Variants in KCNIP4 observed in about 807,000 individuals in gnomAD.
The protein encoded by KCNIP4 is Kv channel-interacting protein 4.
A neutral mutation model predicts 34.0 loss-of-function variants in KCNIP4; 12 were observed. The observed-to-expected ratio is 0.35, with a 90% CI of 0.23 to 0.57. KCNIP4 has a LOEUF of 0.57. Ranked by LOEUF, KCNIP4 falls within the 20% of genes least tolerant of loss-of-function variation. The pLI is 0.83. For missense variants in KCNIP4, 238 were observed against 311.7 expected (o/e 0.76, Z 1.78); for synonymous variants, 124 against 102.2 (o/e 1.21, Z -1.29).
intron 1 of KCNIP4, among the ~76,000 whole-genome samples, chr4:21,840,568 G>A (rs1723615970): frequency 6.6e-6 from 1 of 152,060 alleles, no homozygotes. Context: ...TTCCAATAAT[G>A]GCACCCCAAT....
At chr4:20,909,307 T>G (rs1416773477) in intron 1 of KCNIP4, among the ~76,000 whole-genome samples, 1 of 152,182 alleles carries the variant, frequency 6.6e-6, no homozygotes, top group Non-Finnish European at 1.5e-5. Flanking sequence ...CATATTAGAG[T>G]GGGTGATGTT....
At chr4:20,916,321 A>G (rs533239063) in intron 1 of KCNIP4, 1 of 981,616 alleles carries the variant, frequency 1.0e-6, no homozygotes, top group South Asian at 4.7e-5. Flanking sequence ...AGAAGTGTTT[A>G]CCTCTTTGCA....
chr4:21,081,465 A>G (rs1745995764), intron 1 of KCNIP4, among the ~76,000 whole-genome samples: 1 of 151,696 alleles, frequency 6.6e-6, no homozygotes, highest in Non-Finnish European at 1.5e-5. Flanking sequence ...TTAAGGTCAA[A>G]TGTCATTAAC....
intron 1 of KCNIP4, among the ~76,000 whole-genome samples, chr4:21,446,454 A>C (rs1310357846): frequency 6.6e-6 from 1 of 151,942 alleles, no homozygotes; most frequent in African/African-American, 2.4e-5. Flanking sequence ...ATAAAAAAGG[A>C]ATGAGTTCAT....
At chr4:20,890,118 A>G (rs1477426158) in intron 1 of KCNIP4, among the ~76,000 whole-genome samples, 1 of 152,144 alleles carries the variant, frequency 6.6e-6, no homozygotes, top group African/African-American at 2.4e-5. Flanking sequence ...TTATGAATTA[A>G]CTCATTTAAA....
chr4:20,846,457 C>A (rs1720388858), intron 3 of KCNIP4, among the ~76,000 whole-genome samples: 1 of 152,118 alleles, frequency 6.6e-6, no homozygotes, highest in South Asian at 2.1e-4. Context: ...GATTATGAAA[C>A]ATATATATTG....
intron 3 of KCNIP4, among the ~76,000 whole-genome samples, chr4:20,781,018 A>C (rs1422293541): frequency 3.3e-5 from 5 of 152,166 alleles, no homozygotes; most frequent in Non-Finnish European, 5.9e-5. Context: ...TTTGGGAGAT[A>C]ACCACCACAT....
At chr4:20,807,866 A>G (rs1007370015) in intron 3 of KCNIP4, among the ~76,000 whole-genome samples, 1 of 152,196 alleles carries the variant, frequency 6.6e-6, no homozygotes, top group African/African-American at 2.4e-5. Flanking sequence ...TAAAGAAGAC[A>G]CTATGGAAGA....
chr4:20,874,513 T>A (rs1204863203), intron 2 of KCNIP4, among the ~76,000 whole-genome samples: 1 of 152,150 alleles, frequency 6.6e-6, no homozygotes, highest in Non-Finnish European at 1.5e-5. Context: ...ATTAAATTTG[T>A]CAACAGAAAA....
intron 1 of KCNIP4, among the ~76,000 whole-genome samples, chr4:21,662,596 T>C (rs890101177): frequency 3.9e-5 from 6 of 152,258 alleles, no homozygotes; most frequent in Non-Finnish European, 7.3e-5. Context: ...TATGTAACAT[T>C]ATCTTCATAT....
intron 1 of KCNIP4, among the ~76,000 whole-genome samples, chr4:20,943,998 G>A (rs150491021): frequency 9.8e-5 from 15 of 152,298 alleles, no homozygotes; most frequent in African/African-American, 3.6e-4. Context: ...GTTAATCAAG[G>A]TAATCACAGG....
intron 1 of KCNIP4, among the ~76,000 whole-genome samples, chr4:21,658,274 C>A (rs1577776857): frequency 6.6e-6 from 1 of 152,194 alleles, no homozygotes; most frequent in Non-Finnish European, 1.5e-5. Flanking sequence ...TGTAATTTTA[C>A]TTCTGCAGGA....
At chr4:21,173,074 G>T (rs572697154) in intron 1 of KCNIP4, among the ~76,000 whole-genome samples, 1 of 152,254 alleles carries the variant, frequency 6.6e-6, no homozygotes, top group Non-Finnish European at 1.5e-5. Context: ...CCAGGAAATA[G>T]ATTCTGTTTC....
rs3765121 is a variant in KCNIP4, at chr4:20,850,543, A to G, written c.288T>C (p.Asn96=). 0.4 allele frequency: 651,447 copies of G among 1,610,388 alleles called. 135,184 individuals carry two copies. The highest frequency in any genetic ancestry group is 0.5 in the Admixed American group (30,063 of 59,876). ...GTAAAGTCAAAAAGAAAGTTCTTAC[A>G]TTCTTAAATCCTCTGTAAAGGATCT... The part of the protein sequence containing the change: ...ELQILYRGFK[N]ECPSGVVNEE... The change falls in exon 3 of 9, where the codon AAT becomes AAC. Residue 96 remains asparagine, a splice_region_variant and synonymous_variant. Transcript: ENST00000382152.
At position 20,798,224 on chromosome 4, in the gene KCNIP4, T is replaced by C. The variant is rs188416278; in HGVS notation, c.289-39334A>G. ...ATCAGGATACTGGAATGTAACATTA[T>C]TTACTGTTCCTAAACATTATCAAAT... On this transcript the variant is annotated intron_variant, in intron 3 of 8. Transcript: ENST00000382152. Among the ~76,000 whole-genome samples the C allele has an allele frequency of 2.3e-3, 350 of 152,350 alleles. 1 individual carries two copies. The highest frequency in any genetic ancestry group is 4.7e-3 in the Admixed American group (72 of 15,304).
At chr4:21,559,409 C>T (rs1560516180) in intron 1 of KCNIP4, among the ~76,000 whole-genome samples, 1 of 152,062 alleles carries the variant, frequency 6.6e-6, no homozygotes, top group Non-Finnish European at 1.5e-5. Flanking sequence ...GTGGTAGGTA[C>T]TGGCAAATGA....
chr4:21,811,230 A>C (rs1252298814), intron 1 of KCNIP4, among the ~76,000 whole-genome samples: 3 of 152,226 alleles, frequency 2.0e-5, no homozygotes, highest in Non-Finnish European at 4.4e-5. Context: ...ACTCAATCCT[A>C]CTTGATAAGC....
chr4:21,567,451 A>G (rs546521022), intron 1 of KCNIP4, among the ~76,000 whole-genome samples: 1 of 152,164 alleles, frequency 6.6e-6, no homozygotes, highest in South Asian at 2.1e-4. Context: ...GAATTTGTAA[A>G]GGCCAGAACT....
At chr4:21,033,194 A>T (rs1423734803) in intron 1 of KCNIP4, among the ~76,000 whole-genome samples, 3 of 152,314 alleles carry the variant, frequency 2.0e-5, no homozygotes, top group East Asian at 3.9e-4. Context: ...GTAGGCTTTG[A>T]CCCATTCCAC....
Sources: allele counts gnomAD v4.1 joint callset (sites outside exome capture counted in the v4.1 genomes callset), GRCh38; gene constraint gnomAD v4.1.1; transcripts MANE v1.5; gene names NCBI Gene and HGNC (gene_info 2026-07-23, HGNC 2026-07-21).